Variants in OTOF observed in about 807,000 individuals in gnomAD.
OTOF encodes fer-1-like family member 2.
OTOF carries 218 observed loss-of-function variants against 236.8 expected under a neutral mutation model. The observed-to-expected ratio is 0.92, with a 90% CI of 0.82 to 1.03. OTOF has a LOEUF of 1.03. OTOF is among the 50% of genes least tolerant of loss of function. The pLI is 0.00. For missense variants in OTOF, 2,590 were observed against 2,694.4 expected (o/e 0.96, Z 0.86); for synonymous variants, 1,041 against 1,072.5 (o/e 0.97, Z 0.57).
At chr2:26,545,602 T>C (rs1667312226) in intron 1 of OTOF, among the ~76,000 whole-genome samples, 1 of 152,172 alleles carries the variant, frequency 6.6e-6, no homozygotes, top group Non-Finnish European at 1.5e-5. Flanking sequence ...TTTAAAATTT[T>C]TCTTTAAGAA....
chr2:26,495,312 A>C (rs1665955768), intron 8 of OTOF, among the ~76,000 whole-genome samples: 1 of 152,184 alleles, frequency 6.6e-6, no homozygotes, highest in African/African-American at 2.4e-5. Flanking sequence ...CCTCTAAGTC[A>C]GTGTTCACTA....
chr2:26,519,531 A>C (rs1666624045), intron 3 of OTOF, among the ~76,000 whole-genome samples: 1 of 152,172 alleles, frequency 6.6e-6, no homozygotes, highest in Non-Finnish European at 1.5e-5. Context: ...TTTCCAGCCC[A>C]CACCAACAGC....
chr2:26,543,587 C>CTTGAG (rs111409642), intron 1 of OTOF, among the ~76,000 whole-genome samples: 2 of 151,784 alleles, frequency 1.3e-5, no homozygotes, highest in Admixed American at 1.3e-4. Flanking sequence ...TCTCTTTGCC[C>CTTGAG]TTGTTTCCTC....
At chr2:26,495,770 G>C (rs929905914) in intron 8 of OTOF, among the ~76,000 whole-genome samples, 2 of 152,202 alleles carry the variant, frequency 1.3e-5, no homozygotes, top group African/African-American at 4.8e-5. Flanking sequence ...CAAGTGCCCT[G>C]CGTTCTTCCC....
At chr2:26,556,022 C>A (rs1667577325) in intron 1 of OTOF, among the ~76,000 whole-genome samples, 1 of 152,106 alleles carries the variant, frequency 6.6e-6, no homozygotes, top group Non-Finnish European at 1.5e-5. Context: ...CCACAATAGC[C>A]CAGGAGGGCT....
chr2:26,516,230 C>T (rs1348212294), intron 5 of OTOF, among the ~76,000 whole-genome samples, 188 bp downstream of exon 5: 1 of 152,192 alleles, frequency 6.6e-6, no homozygotes, highest in East Asian at 1.9e-4. Context: ...TGCCCAGTGA[C>T]CTCGGGGGTG....
chr2:26,542,158 G>T (rs983155502), intron 1 of OTOF, among the ~76,000 whole-genome samples: 1 of 152,228 alleles, frequency 6.6e-6, no homozygotes, highest in African/African-American at 2.4e-5. Context: ...GATTTAAGGG[G>T]ACAAAATGTT....
intron 5 of OTOF, chr2:26,510,679 C>A (rs371774023): frequency 1.6e-6 from 2 of 1,282,772 alleles, no homozygotes; most frequent in Non-Finnish European, 2.0e-6. Context: ...GACGCTGTTG[C>A]GTCTGCCCTC....
chr2:26,512,038 C>T (rs1666404759), intron 5 of OTOF, among the ~76,000 whole-genome samples: 1 of 152,138 alleles, frequency 6.6e-6, no homozygotes, highest in Non-Finnish European at 1.5e-5. Flanking sequence ...CTTCTGCAGG[C>T]CTCCACTGGA....
chr2:26,465,728 C>A lies in OTOF; in HGVS notation c.4743G>T (p.Glu1581Asp), dbSNP rs1195590164. 1 of 1,614,266 alleles carries A rather than the reference C, an allele frequency of 6.2e-7. No homozygotes were observed. Among genetic ancestry groups the A allele is most frequent in the Admixed American group, 1.7e-5 (1 of 60,038 alleles). The change falls in exon 38 of 47, where the codon GAG becomes GAT. Residue 1581 changes from glutamate (E) to aspartate (D), a missense_variant. Transcript: ENST00000272371. ...CGCGGTGCTTGCTGTAGAAGCGGTT[C>A]TCCAGGTCGATCTTGGTTTCCCCAA... is the stretch of plus-strand genomic sequence containing the variant. ...DLIGETKIDL[E>D]NRFYSKHRAT...
intron 46 of OTOF, among the ~76,000 whole-genome samples, chr2:26,459,187 C>T (rs558791005): frequency 2.6e-5 from 4 of 152,324 alleles, no homozygotes; most frequent in Admixed American, 2.6e-4. Context: ...CATTTCCAGA[C>T]CTGTTGGCTA....
Position 26,482,524 on chromosome 2 carries a change from G to A in OTOF, c.1461C>T (p.Leu487=). 1 of 1,613,416 alleles carries A rather than the reference G, an allele frequency of 6.2e-7. No homozygotes were observed. The highest frequency in any genetic ancestry group is 8.5e-7 in the Non-Finnish European group (1 of 1,179,992). The change falls in exon 14 of 47, where the codon CTC becomes CTT. Residue 487 remains leucine, a synonymous_variant. Coordinates refer to ENST00000272371, the MANE Select transcript of OTOF (RefSeq NM_194248.3). ...LWNEQVVFTD[L]FPPLCKRMKV... ...TCATGCGTTTGCAGAGTGGGGGGAAGAGGTCTGTAAAGACGACCTGCTCAT... is the reference window on the plus strand; with the variant it reads ...TCATGCGTTTGCAGAGTGGGGGGAAAAGGTCTGTAAAGACGACCTGCTCAT...
At position 26,479,184 on chromosome 2, in the gene OTOF, T is replaced by C. The variant is rs1048547355; in HGVS notation, c.2214+80A>G. The C allele has an allele frequency of 1.9e-4, 297 of 1,534,610 alleles. 1 individual carries two copies. The highest frequency in any genetic ancestry group is 2.3e-4 in the Non-Finnish European group (267 of 1,140,138). On this transcript the variant is annotated intron_variant, in intron 18 of 46. Coordinates refer to ENST00000272371, the MANE Select transcript of OTOF (RefSeq NM_194248.3). ...TGCAGCCCCCTGGGCAGACCAGCTT[T>C]GTGTGTTCCAGGGAAGGCCCTCTGA...
At position 26,541,873 on chromosome 2, in the gene OTOF, G is replaced by A. The variant is rs536617731; in HGVS notation, c.80-4099C>T. 7.2e-5 allele frequency among the ~76,000 whole-genome samples: 11 copies of A among 152,304 alleles called. No individual in the cohort carries two copies. The South Asian group carries it at 1.9e-3, about 26-fold the overall frequency. On this transcript the variant is annotated intron_variant, in intron 1 of 46. Coordinates refer to ENST00000272371, the MANE Select transcript of OTOF (RefSeq NM_194248.3). ...TGTGGATCGAGTGAGAAGGAGGTTC[G>A]ATGGGGGAAATAGAACAGCATCCTC...
At chr2:26,554,159 G>A (rs1168563173) in intron 1 of OTOF, among the ~76,000 whole-genome samples, 3 of 94,566 alleles carry the variant, frequency 3.2e-5, no homozygotes, top group East Asian at 3.4e-4. Context: ...GCGACAGAGC[G>A]AGACTCAAAA....
intron 1 of OTOF, among the ~76,000 whole-genome samples, chr2:26,543,138 CT>C (rs1326011726): frequency 6.6e-6 from 1 of 152,192 alleles, no homozygotes; most frequent in African/African-American, 2.4e-5. Context: ...TACAGCGACT[CT>C]CTGAGTGATG....
chr2:26,539,375 A>T (rs4283374), intron 1 of OTOF, among the ~76,000 whole-genome samples: 2,394 of 152,338 alleles, frequency 0.016, 63 homozygotes, highest in East Asian at 0.12. Flanking sequence ...TAATTAAAAA[A>T]AATACCAAAA....
chr2:26,488,353 C>G (rs1665749908), intron 11 of OTOF, among the ~76,000 whole-genome samples: 1 of 152,210 alleles, frequency 6.6e-6, no homozygotes, highest in African/African-American at 2.4e-5. Context: ...CATTACAGCA[C>G]TCTGAGCAGT....
chr2:26,529,077 G>T (rs1666878321), intron 2 of OTOF, among the ~76,000 whole-genome samples: 1 of 152,172 alleles, frequency 6.6e-6, no homozygotes, highest in Admixed American at 6.5e-5. Context: ...ACCAGGGGAG[G>T]ATGTGGAGGG....
Sources: gnomAD v4.1 joint callset for allele counts (sites outside exome capture counted in the v4.1 genomes callset) on GRCh38, gnomAD v4.1.1 for gene constraint, MANE v1.5 for transcripts, NCBI Gene and HGNC (gene_info 2026-07-23, HGNC 2026-07-21) for gene names.